Variants in ATG5 observed in about 807,000 individuals in gnomAD.
ATG5 encodes autophagy protein 5.
ATG5 carries 14 observed loss-of-function variants against 36.5 expected under a neutral mutation model. The ratio of observed to expected loss-of-function variants is 0.38; its 90% CI spans 0.25 to 0.60. The LOEUF is 0.60. Ranked by LOEUF, ATG5 falls within the 20% of genes least tolerant of loss-of-function variation. The pLI is 0.60. For missense variants in ATG5, 195 were observed against 326.7 expected (o/e 0.60, Z 3.11); for synonymous variants, 95 against 101.5 (o/e 0.94, Z 0.38).
chr6:106,192,653 T>C (rs1033096906), intron 7 of ATG5, among the ~76,000 whole-genome samples: 2 of 152,206 alleles, frequency 1.3e-5, no homozygotes, highest in African/African-American at 2.4e-5. Flanking sequence ...GATATAACCA[T>C]TGTGTTCAGC....
At chr6:106,298,280 A>AT (rs1411710736) in intron 3 of ATG5, among the ~76,000 whole-genome samples, 2 of 151,828 alleles carry the variant, frequency 1.3e-5, no homozygotes, top group South Asian at 2.1e-4. Context: ...AAATCTTAAA[A>AT]TTTTTTTTTA....
At chr6:106,201,064 T>C (rs1776409792) in intron 7 of ATG5, among the ~76,000 whole-genome samples, 2 of 152,336 alleles carry the variant, frequency 1.3e-5, no homozygotes, top group Non-Finnish European at 2.9e-5. Flanking sequence ...TAATATTTAA[T>C]GCAATGTAAA....
At chr6:106,252,748 C>A (rs1207649437) in intron 5 of ATG5, among the ~76,000 whole-genome samples, 3 of 152,100 alleles carry the variant, frequency 2.0e-5, no homozygotes, top group African/African-American at 7.2e-5. Context: ...CTGGCTAGGA[C>A]CCTCATGCAG....
At chr6:106,231,512 T>C (rs1777689595) in intron 6 of ATG5, among the ~76,000 whole-genome samples, 1 of 152,286 alleles carries the variant, frequency 6.6e-6, no homozygotes, top group South Asian at 2.1e-4. Context: ...ACTTGCGTGC[T>C]AGAAGGACTA....
In ATG5 at chr6:106,294,018, T is replaced by C. The variant is rs550108126; in HGVS notation, c.237-912A>G. On this transcript the variant is annotated intron_variant, in intron 3 of 7. Coordinates refer to ENST00000369076, the MANE Select transcript of ATG5 (RefSeq NM_004849.4). ...AATATTTGCATCATATTCTTACCATTTGAGCATCACAAATCTGAAAATCTG... is the reference window on the plus strand; with the variant it reads ...AATATTTGCATCATATTCTTACCATCTGAGCATCACAAATCTGAAAATCTG... Among the ~76,000 whole-genome samples, 41 of 152,288 alleles carry C rather than the reference T, an allele frequency of 2.7e-4. No homozygotes were observed. In the South Asian group the frequency reaches 7.7e-3, roughly 28 times the overall value.
chr6:106,290,012 A>C lies in ATG5; in HGVS notation c.315+3016T>G, dbSNP rs551995116. 4.0e-5 allele frequency among the ~76,000 whole-genome samples: 6 copies of C among 151,518 alleles called. No individual in the cohort carries two copies. The East Asian group carries it at 1.2e-3, about 29-fold the overall frequency. ...CTTCAATACTACACCAAATTTAACA[A>C]GTTCAGTTTATTATATTATTATTAT... On this transcript the variant is annotated intron_variant, in intron 4 of 7. Coordinates refer to ENST00000369076, the MANE Select transcript of ATG5 (RefSeq NM_004849.4).
intron 5 of ATG5, among the ~76,000 whole-genome samples, chr6:106,277,585 C>T (rs1178605334): frequency 3.3e-5 from 5 of 152,204 alleles, no homozygotes; most frequent in African/African-American, 1.2e-4. Flanking sequence ...GAGGCCAAGG[C>T]GGGCAGATCA....
At chr6:106,252,726 G>A (rs1778643408) in intron 5 of ATG5, among the ~76,000 whole-genome samples, 1 of 152,124 alleles carries the variant, frequency 6.6e-6, no homozygotes. Flanking sequence ...TTGCTACTCA[G>A]GCTCAATTCA....
intron 5 of ATG5, among the ~76,000 whole-genome samples, chr6:106,254,672 C>T (rs977436696): frequency 3.3e-5 from 5 of 152,174 alleles, no homozygotes; most frequent in Admixed American, 1.3e-4. Context: ...AAATTAAGTG[C>T]TACATAAGTG....
intron 4 of ATG5, among the ~76,000 whole-genome samples, chr6:106,281,443 G>A (rs1379136501): frequency 6.6e-6 from 1 of 152,148 alleles, no homozygotes; most frequent in African/African-American, 2.4e-5. Flanking sequence ...GCAGTATTAT[G>A]TAACTTAGTA....
At chr6:106,278,480 C>A (rs1397789726) in intron 5 of ATG5, among the ~76,000 whole-genome samples, 1 of 152,058 alleles carries the variant, frequency 6.6e-6, no homozygotes, top group African/African-American at 2.4e-5. Flanking sequence ...CATCTTCATC[C>A]TTTTGTCACA....
rs1489718548 is a variant in ATG5, at chr6:106,184,839, C to A, written c.*1701G>T. On this transcript the variant is annotated 3_prime_UTR_variant, in exon 8 of 8. Transcript: ENST00000369076. ...TCCTTTTGCTCACTAAAGCTCACTT[C>A]AATCTGTCAAAACATCAAGGGGGAA... 2.6e-5 allele frequency: 4 copies of A among 152,312 alleles called. No individual in the cohort carries two copies. The highest frequency in any genetic ancestry group is 9.7e-5 in the African/African-American group (4 of 41,450). The allele number at this position is 152,312 out of a possible 1,614,324, so 9.4% of individuals were successfully genotyped here. A position where few individuals can be genotyped will look rare whatever the true frequency, so the allele number is the denominator to read the frequency against.
chr6:106,266,047 T>G (rs2114565539), intron 5 of ATG5, among the ~76,000 whole-genome samples: 1 of 148,416 alleles, frequency 6.7e-6, no homozygotes, highest in East Asian at 2.0e-4. Context: ...AAAAAAAAAA[T>G]CAATGAATCC....
chr6:106,205,710 C>G (rs1272965632), intron 6 of ATG5, among the ~76,000 whole-genome samples: 2 of 152,040 alleles, frequency 1.3e-5, no homozygotes, highest in Admixed American at 6.5e-5. Context: ...TTTCCCAAAT[C>G]TGAGCAAGTA....
intron 6 of ATG5, among the ~76,000 whole-genome samples, chr6:106,202,724 C>T (rs1006045798): frequency 1.2e-4 from 19 of 152,194 alleles, no homozygotes; most frequent in African/African-American, 3.4e-4. Flanking sequence ...TGCAGTGGCG[C>T]GATCTCAGCT....
chr6:106,261,111 G>T (rs946260049), intron 5 of ATG5, among the ~76,000 whole-genome samples: 3 of 152,170 alleles, frequency 2.0e-5, no homozygotes, highest in African/African-American at 7.2e-5. Context: ...GAGTTAAAGA[G>T]TGGGAAAGAA....
chr6:106,268,357 T>C lies in ATG5; in HGVS notation c.478+11304A>G, dbSNP rs371797325. 5.3e-5 allele frequency among the ~76,000 whole-genome samples: 8 copies of C among 152,236 alleles called. No individual in the cohort carries two copies. The East Asian group carries it at 9.7e-4, about 18-fold the overall frequency. On this transcript the variant is annotated intron_variant, in intron 5 of 7. Transcript: ENST00000369076. Reference sequence around the variant, plus strand: ...TATCTTACACCAGTTAGAATGGGGATTATTAAAAAGTCAGGAAACAACAGA... The same window carrying C: ...TATCTTACACCAGTTAGAATGGGGACTATTAAAAAGTCAGGAAACAACAGA...
intron 5 of ATG5, among the ~76,000 whole-genome samples, chr6:106,275,026 C>T (rs1223092095): frequency 2.0e-5 from 3 of 152,194 alleles, no homozygotes; most frequent in Non-Finnish European, 2.9e-5. Context: ...CCCATCAGTG[C>T]TGGATGATCA....
chr6:106,279,325 T>G (rs1779785041), intron 5 of ATG5, among the ~76,000 whole-genome samples: 2 of 152,146 alleles, frequency 1.3e-5, no homozygotes, highest in African/African-American at 4.8e-5. Flanking sequence ...TACCCAGAAT[T>G]TTCCACTGTG....
Sources: gnomAD v4.1 joint callset for allele counts (sites outside exome capture counted in the v4.1 genomes callset) on GRCh38, gnomAD v4.1.1 for gene constraint, MANE v1.5 for transcripts, NCBI Gene and HGNC (gene_info 2026-07-23, HGNC 2026-07-21) for gene names.